Variants in PLEKHM1 observed in about 807,000 individuals in gnomAD.
PLEKHM1 encodes pleckstrin homology and RUN domain containing M1.
Under a neutral mutation model 94.3 loss-of-function variants are expected in PLEKHM1, and 28 were observed. The ratio of observed to expected loss-of-function variants is 0.30; its 90% CI spans 0.22 to 0.41. PLEKHM1 has a LOEUF of 0.41. Among genes scored for constraint, PLEKHM1 ranks in the 10% least tolerant of loss-of-function variants. PLEKHM1 has a pLI of 1.00. For missense variants in PLEKHM1, 907 were observed against 1,358.6 expected (o/e 0.67, Z 5.22); for synonymous variants, 424 against 581.2 (o/e 0.73, Z 3.89).
intron 4 of PLEKHM1, among the ~76,000 whole-genome samples, chr17:45,469,066 T>C (rs2051416212): frequency 6.7e-6 from 1 of 149,040 alleles, no homozygotes; most frequent in South Asian, 2.1e-4. Flanking sequence ...GCTAGGCAGG[T>C]TTCCTAAGCA....
chr17:45,489,020 G>A (rs2052219987), intron 1 of PLEKHM1, among the ~76,000 whole-genome samples: 1 of 152,184 alleles, frequency 6.6e-6, no homozygotes, highest in South Asian at 2.1e-4. Flanking sequence ...CAGAGAAAAT[G>A]TGTACCAAAA....
Position 45,437,044 on chromosome 17 carries a change from C to T in PLEKHM1, c.*814G>A, listed in dbSNP as rs868685742. Reference sequence around the variant, plus strand: ...GGCAAGACGGCGACCCTCCATAAACCGAGGAGGGCTCAAAGTGCTGACAGT... The same window carrying T: ...GGCAAGACGGCGACCCTCCATAAACTGAGGAGGGCTCAAAGTGCTGACAGT... On this transcript the variant is annotated 3_prime_UTR_variant, in exon 12 of 12. Coordinates refer to ENST00000430334, the MANE Select transcript of PLEKHM1 (RefSeq NM_014798.3). The surrounding 1 kb of genome is among the most constrained non-coding windows in gnomAD (Gnocchi z 4.0). 13 of 454,374 alleles carry T rather than the reference C, an allele frequency of 2.9e-5. No homozygotes were observed. The highest frequency in any genetic ancestry group is 9.4e-5 in the Admixed American group (4 of 42,562). The allele number at this position is 454,374 out of a possible 1,614,324, so 28.1% of individuals were successfully genotyped here. A position where few individuals can be genotyped will look rare whatever the true frequency, so the allele number is the denominator to read the frequency against.
chr17:45,471,210 T>G (rs2145298122), intron 4 of PLEKHM1, among the ~76,000 whole-genome samples: 1 of 151,778 alleles, frequency 6.6e-6, no homozygotes, highest in East Asian at 1.9e-4. Flanking sequence ...ACAGCATCAG[T>G]CATCAGAGAA....
chr17:45,446,979 C>T (rs115320679), intron 8 of PLEKHM1, among the ~76,000 whole-genome samples: 2,116 of 152,256 alleles, frequency 0.014, 57 homozygotes, highest in African/African-American at 0.049. Context: ...TGCTTTGGCC[C>T]GGCACTCGGC....
chr17:45,453,965 A>T lies in PLEKHM1; in HGVS notation c.1887T>A (p.Pro629=). ...CGTTCACCCACTCATCCTCCTGCTG[A>T]GGCCGGACCTTCTGCAGGGCCTCCC... The part of the protein sequence containing the change: ...RVREALQKVR[P]QQEDEWVNVQ... Residue 629 remains proline, a synonymous_variant, in exon 7 of 12, where the codon CCT becomes CCA. Coordinates refer to ENST00000430334, the MANE Select transcript of PLEKHM1 (RefSeq NM_014798.3). The surrounding 1 kb of genome is among the most constrained non-coding windows in gnomAD (Gnocchi z 4.1). 1 of 1,613,930 alleles carries T rather than the reference A, an allele frequency of 6.2e-7. No individual in the cohort carries two copies. Among genetic ancestry groups the T allele is most frequent in the Non-Finnish European group, 8.5e-7 (1 of 1,179,856 alleles).
intron 11 of PLEKHM1, 124 bp from the exon 12 acceptor site, chr17:45,438,093 G>A (rs761294767): frequency 2.6e-5 from 19 of 733,486 alleles, no homozygotes; most frequent in South Asian, 4.4e-5. Context: ...ACCCATGCAC[G>A]CACACCGTGC....
chr17:45,447,009 G>A (rs940020275), intron 8 of PLEKHM1, among the ~76,000 whole-genome samples: 30 of 152,202 alleles, frequency 2.0e-4, no homozygotes, highest in African/African-American at 6.8e-4. Context: ...GCCCAGGACT[G>A]GAGCTTCTTT....
chr17:45,452,760 A>C (rs1356717279), intron 7 of PLEKHM1: 1 of 166,454 alleles, frequency 6.0e-6, no homozygotes, highest in Non-Finnish European at 1.3e-5. Context: ...CACAGCAGCC[A>C]AGAGCCCCGT....
downstream of PLEKHM1, among the ~76,000 whole-genome samples, chr17:45,434,949 T>C (rs192591711): frequency 9.6e-4 from 133 of 138,376 alleles, 1 homozygote; most frequent in Non-Finnish European, 1.4e-3. Flanking sequence ...AGCCTGGGCA[T>C]TGGAGTGAGA....
intron 9 of PLEKHM1, among the ~76,000 whole-genome samples, chr17:45,441,403 C>A (rs2050441837): frequency 6.6e-6 from 1 of 152,206 alleles, no homozygotes; most frequent in Admixed American, 6.5e-5. Context: ...AAGATGCCAA[C>A]TGGCCCCTCA....
chr17:45,480,781 C>T (rs1432872287), intron 2 of PLEKHM1, among the ~76,000 whole-genome samples: 1 of 152,200 alleles, frequency 6.6e-6, no homozygotes, highest in Admixed American at 6.5e-5. Flanking sequence ...AGAAAATATT[C>T]CGCTGCCTAG....
intron 1 of PLEKHM1, among the ~76,000 whole-genome samples, chr17:45,488,681 G>T (rs187955367): frequency 1.3e-5 from 2 of 152,188 alleles, no homozygotes; most frequent in Non-Finnish European, 2.9e-5. Flanking sequence ...GCTCACGCCC[G>T]TAATCCCAGC....
At position 45,436,257 on chromosome 17, in the gene PLEKHM1, T is replaced by C. The variant is rs1254909741; in HGVS notation, c.*1601A>G. ...GAGGGCTCTGACTAGGCTGGGCTTG[T>C]GGTGGAGCGTTAATGTGGGCCATGG... On this transcript the variant is annotated 3_prime_UTR_variant, in exon 12 of 12. Transcript: ENST00000430334. 2 of 454,230 alleles carry C rather than the reference T, an allele frequency of 4.4e-6. No individual in the cohort carries two copies. The highest frequency in any genetic ancestry group is 3.1e-5 in the South Asian group (2 of 64,484). 28.1% of individuals were successfully genotyped at this position (454,230 alleles called of 1,614,324 possible).
rs1395518663 is a variant in PLEKHM1, at chr17:45,458,341, C to T, written c.1407G>A (p.Gly469=). 2 of 1,613,954 alleles carry T rather than the reference C, an allele frequency of 1.2e-6. No homozygotes were observed. Among genetic ancestry groups the T allele is most frequent in the African/African-American group, 1.3e-5 (1 of 75,044 alleles). The stretch of plus-strand genomic sequence containing the variant: ...GGAGACCAGGCCTTGACCCTGGAGT[C>T]CCCCTGTAAGAAGCTATTGGGTGGT... ...ASDHPIASYR[G]TPGSRPGLHR... is the part of the protein sequence containing the mutation. Residue 469 remains glycine (G), a synonymous_variant, in exon 6 of 12, where the codon GGG becomes GGA. Coordinates refer to ENST00000430334, the MANE Select transcript of PLEKHM1 (RefSeq NM_014798.3).
At chr17:45,487,818 A>G in intron 1 of PLEKHM1, 1 of 456,136 alleles carries the variant, frequency 2.2e-6, no homozygotes, top group Non-Finnish European at 4.4e-6. Context: ...GGGACTCCTC[A>G]GCCACTCCCC....
At chr17:45,451,340 G>A (rs1026296740) in intron 7 of PLEKHM1, among the ~76,000 whole-genome samples, 1 of 152,238 alleles carries the variant, frequency 6.6e-6, no homozygotes, top group African/African-American at 2.4e-5. Context: ...GCTGGCTTCA[G>A]CCCCCTTGGT....
At chr17:45,469,052 G>A (rs1346319846) in intron 4 of PLEKHM1, among the ~76,000 whole-genome samples, 5 of 149,018 alleles carry the variant, frequency 3.4e-5, no homozygotes, top group African/African-American at 1.2e-4. Context: ...TAGGAGAAGC[G>A]AGGGCTAGGC....
chr17:45,448,642 G>A (rs1422211998), intron 8 of PLEKHM1, among the ~76,000 whole-genome samples: 4 of 152,144 alleles, frequency 2.6e-5, no homozygotes, highest in Non-Finnish European at 4.4e-5. Context: ...GGAGAGAAAG[G>A]ACACTGTTCT....
chr17:45,438,677 C>T (rs923068898), intron 11 of PLEKHM1, among the ~76,000 whole-genome samples: 2 of 152,174 alleles, frequency 1.3e-5, no homozygotes, highest in African/African-American at 4.8e-5. Flanking sequence ...CTGCCTCAGC[C>T]TCCCAAGTAG....
Sources: gnomAD v4.1 joint callset for allele counts (sites outside exome capture counted in the v4.1 genomes callset) on GRCh38, gnomAD v4.1.1 for gene constraint, Gnocchi (gnomAD v3.1) non-coding constraint, MANE v1.5 for transcripts, NCBI Gene and HGNC (gene_info 2026-07-23, HGNC 2026-07-21) for gene names.